The following CFAP210 variants were observed in gnomAD, a reference collection of about 807,000 sequenced individuals.
CFAP210 encodes the protein cilia and flagella associated protein 210.
At chr2:169,679,258 A>G in the CFAP210 span, among the ~76,000 whole-genome samples, 1 of 152,230 alleles carries the variant, frequency 6.6e-6, no homozygotes, top group Non-Finnish European at 1.5e-5. Context: ...CAAAGGCTAC[A>G]TGCGCAGGTT....
the CFAP210 span, chr2:169,694,214 G>C: frequency 1.9e-6 from 3 of 1,584,674 alleles, no homozygotes; most frequent in Non-Finnish European, 2.6e-6. Flanking sequence ...CTCCATGCCG[G>C]GGGTCCAGAA....
the CFAP210 span, among the ~76,000 whole-genome samples, chr2:169,647,364 G>A: frequency 3.3e-5 from 5 of 152,122 alleles, no homozygotes; most frequent in Non-Finnish European, 7.4e-5. Flanking sequence ...TACTATAATG[G>A]AACATATGAT....
the CFAP210 span, among the ~76,000 whole-genome samples, chr2:169,676,768 AAAGT>A: frequency 6.6e-6 from 1 of 152,222 alleles, no homozygotes; most frequent in African/African-American, 2.4e-5. Flanking sequence ...ATACTGCAAC[AAAGT>A]AAGGAAACAG....
chr2:169,692,446 A>G, the CFAP210 span, among the ~76,000 whole-genome samples: 1,174 of 42,910 alleles, frequency 0.027, 5 homozygotes, highest in Middle Eastern at 0.1. Context: ...AGGCGCACGC[A>G]CACACACACA....
chr2:169,691,677 G>A, the CFAP210 span, among the ~76,000 whole-genome samples: 1 of 152,122 alleles, frequency 6.6e-6, no homozygotes, highest in East Asian at 1.9e-4. Flanking sequence ...TTGTGTTTGG[G>A]TCATACTTTA....
chr2:169,679,009 A>G, the CFAP210 span, among the ~76,000 whole-genome samples: 61,921 of 151,942 alleles, frequency 0.41, 12,900 homozygotes, highest in Non-Finnish European at 0.44. Context: ...AACAGAATAG[A>G]TAGTGCAGAA....
chr2:169,675,578 T>C, the CFAP210 span, among the ~76,000 whole-genome samples: 4 of 152,202 alleles, frequency 2.6e-5, no homozygotes, highest in Admixed American at 1.3e-4. Flanking sequence ...CCAATGGGGA[T>C]GGTGCTAAAC....
the CFAP210 span, among the ~76,000 whole-genome samples, chr2:169,670,966 A>G: frequency 6.6e-6 from 1 of 152,218 alleles, no homozygotes; most frequent in Non-Finnish European, 1.5e-5. Context: ...ACTTGGTAAT[A>G]CAATTAATAG....
the CFAP210 span, among the ~76,000 whole-genome samples, chr2:169,677,026 C>A: frequency 6.6e-6 from 1 of 152,126 alleles, no homozygotes; most frequent in Non-Finnish European, 1.5e-5. Flanking sequence ...GCATAAGGAG[C>A]TAAACTGGGC....
chr2:169,691,365 A>G, the CFAP210 span, among the ~76,000 whole-genome samples: 1 of 152,212 alleles, frequency 6.6e-6, no homozygotes, highest in South Asian at 2.1e-4. Context: ...TTCTTTAAAT[A>G]TATTTACAAT....
the CFAP210 span, chr2:169,653,943 C>T: frequency 5.1e-6 from 5 of 980,696 alleles, no homozygotes; most frequent in South Asian, 2.0e-5. Flanking sequence ...ACGTCCCAAA[C>T]TGAAATCAAG....
the CFAP210 span, among the ~76,000 whole-genome samples, chr2:169,651,226 G>GA: frequency 0.11 from 11,329 of 101,978 alleles, 1,086 homozygotes; most frequent in Middle Eastern, 0.2. Flanking sequence ...GACTCTGTCT[G>GA]AAAAAAAAAA....
chr2:169,660,827 C>T, the CFAP210 span: 1 of 262,680 alleles, frequency 3.8e-6, no homozygotes, highest in Non-Finnish European at 7.5e-6. Context: ...GTCTCGAACT[C>T]CTGAGCTCAA....
the CFAP210 span, chr2:169,661,167 T>G: frequency 1.7e-6 from 1 of 576,734 alleles, no homozygotes; most frequent in Non-Finnish European, 3.4e-6. Context: ...TGCCTCCCAG[T>G]GGAACAAATG....
chr2:169,693,707 C>T, the CFAP210 span, among the ~76,000 whole-genome samples: 40,731 of 151,896 alleles, frequency 0.27, 5,647 homozygotes, highest in Non-Finnish European at 0.31. Flanking sequence ...TACTTTATGT[C>T]ACACGATTTT....
At chr2:169,646,001 C>T in the CFAP210 span, 1 of 1,613,952 alleles carries the variant, frequency 6.2e-7, no homozygotes, top group South Asian at 1.1e-5. Context: ...ACCTCCAGGT[C>T]CTTCCTGTAC....
At chr2:169,660,405 A>T in the CFAP210 span, among the ~76,000 whole-genome samples, 5 of 142,646 alleles carry the variant, frequency 3.5e-5, no homozygotes, top group African/African-American at 1.3e-4. Flanking sequence ...AAAAAAAATC[A>T]ACTTTTCATT....
the CFAP210 span, among the ~76,000 whole-genome samples, chr2:169,665,882 C>A: frequency 6.6e-6 from 1 of 152,122 alleles, no homozygotes; most frequent in Non-Finnish European, 1.5e-5. Context: ...TTGCTCCCAC[C>A]AGCCTGACTC....
the CFAP210 span, chr2:169,694,278 C>T: frequency 4.3e-6 from 7 of 1,614,056 alleles, no homozygotes; most frequent in Admixed American, 5.0e-5. Context: ...TTCCTTCGCC[C>T]GTCCACAGCG....
Sources: gnomAD v4.1 joint callset for allele counts (sites outside exome capture counted in the v4.1 genomes callset) on GRCh38, gnomAD v4.1.1 for gene constraint, MANE v1.5 for transcripts, NCBI Gene and HGNC (gene_info 2026-07-23, HGNC 2026-07-21) for gene names.